Variants in EIF2S1 observed in about 807,000 individuals in gnomAD.
EIF2S1 encodes eukaryotic translation initiation factor 2 subunit alpha, also known as eukaryotic translation initiation factor 2 subunit 1.
Under a neutral mutation model 33.5 loss-of-function variants are expected in EIF2S1, and 5 were observed. The observed-to-expected ratio is 0.15, with a 90% CI of 0.08 to 0.31. The LOEUF (loss-of-function observed/expected upper bound fraction) is 0.31. EIF2S1 is among the 10% of genes least tolerant of loss of function. EIF2S1 has a pLI of 1.00. For synonymous variants in EIF2S1, 99 were observed against 127.5 expected, an observed-to-expected ratio of 0.78 and a Z score of 1.51; for missense variants, 191 against 384.6, an observed-to-expected ratio of 0.50 and a Z score of 4.21.
intron 3 of EIF2S1, 142 bp downstream of exon 3, chr14:67,374,689 C>A: frequency 4.0e-6 from 2 of 500,806 alleles, no homozygotes; most frequent in Admixed American, 4.0e-5. Flanking sequence ...GTTTTGAAGC[C>A]GTTTTAGGTT....
intron 6 of EIF2S1, 136 bp from the exon 7 acceptor site, chr14:67,382,311 A>T: frequency 1.5e-6 from 1 of 685,116 alleles, no homozygotes; most frequent in Non-Finnish European, 2.3e-6. Flanking sequence ...AGGACCCTAA[A>T]TTACTGTCCT....
At chr14:67,369,989 T>TA (rs879692965) in intron 2 of EIF2S1, among the ~76,000 whole-genome samples, 7 of 152,242 alleles carry the variant, frequency 4.6e-5, no homozygotes, top group Non-Finnish European at 8.8e-5. Flanking sequence ...TTTACCCACA[T>TA]ATTTATTAAC....
intron 7 of EIF2S1, 69 bp downstream of exon 7, chr14:67,382,659 A>G: frequency 1.3e-6 from 2 of 1,562,982 alleles, no homozygotes; most frequent in Non-Finnish European, 1.8e-6. Flanking sequence ...GTAGGTAAAT[A>G]AGAGCTGTCG....
At position 67,382,456 on chromosome 14, in the gene EIF2S1, A is replaced by G; in HGVS notation, c.688A>G (p.Ile230Val). 1 of 1,612,816 alleles carries G rather than the reference A, an allele frequency of 6.2e-7. No individual in the cohort carries two copies. The highest frequency in any genetic ancestry group is 8.5e-7 in the Non-Finnish European group (1 of 1,179,398). The change falls in exon 7 of 8, where the codon ATA (isoleucine) becomes GTA (valine). Residue 230 changes from isoleucine to valine, a missense_variant. Physicochemically the swap from Ile to Val is conservative, Grantham distance 29. Coordinates refer to ENST00000256383, the MANE Select transcript of EIF2S1 (RefSeq NM_004094.5). ...TENMPIKINL[I>V]APPRYVMTTT... Reference sequence around the variant, plus strand: ...TGTCTTTCTCTTTTAGATTAATCTAATAGCTCCTCCTCGGTATGTAATGAC... The same window carrying G: ...TGTCTTTCTCTTTTAGATTAATCTAGTAGCTCCTCCTCGGTATGTAATGAC...
intron 3 of EIF2S1, among the ~76,000 whole-genome samples, chr14:67,375,232 CTGTGTG>C (rs3067321): frequency 0.21 from 28,174 of 137,432 alleles, 2,860 homozygotes; most frequent in Non-Finnish European, 0.22. Context: ...ATCCTCAGTT[CTGTGTG>C]TGTGTGTGTG....
intron 7 of EIF2S1, 120 bp downstream of exon 7, chr14:67,382,710 T>G: frequency 8.9e-7 from 1 of 1,129,268 alleles, no homozygotes; most frequent in Non-Finnish European, 1.3e-6. Context: ...TTCAGGCCTT[T>G]GATCACTAAT....
chr14:67,382,283 C>T (rs926257791), intron 6 of EIF2S1, 164 bp from the exon 7 acceptor site: 24 of 500,130 alleles, frequency 4.8e-5, no homozygotes, highest in African/African-American at 3.6e-4. Flanking sequence ...CACCCCAAAA[C>T]GTAATTGCCA....
Position 67,385,046 on chromosome 14 carries a change from C to T in EIF2S1, c.*1606C>T, listed in dbSNP as rs17104285. The T allele has an allele frequency of 7.9e-5, 12 of 152,098 alleles. No homozygotes were observed. 9.4% of individuals were successfully genotyped at this position (152,098 alleles called of 1,614,324 possible). A position where few individuals can be genotyped will look rare whatever the true frequency, so the allele number is the denominator to read the frequency against. On this transcript the variant is annotated 3_prime_UTR_variant, in exon 8 of 8. Transcript: ENST00000256383. Reference sequence around the variant, plus strand: ...ATAACTTGAAAAATACTGGTGGCGTCGATGGTGAGTGATTTTTATCCCACG... The same window carrying T: ...ATAACTTGAAAAATACTGGTGGCGTTGATGGTGAGTGATTTTTATCCCACG...
At chr14:67,375,820 G>A (rs980841550) in intron 3 of EIF2S1, among the ~76,000 whole-genome samples, 1 of 152,124 alleles carries the variant, frequency 6.6e-6, no homozygotes, top group Non-Finnish European at 1.5e-5. Flanking sequence ...CTTTTGAGAA[G>A]CACTTTTCTG....
chr14:67,380,604 CA>C (rs2085882985), intron 4 of EIF2S1, 54 bp from the exon 5 acceptor site: 1 of 989,070 alleles, frequency 1.0e-6, no homozygotes, highest in Non-Finnish European at 1.5e-6. Flanking sequence ...TTTGGTTTCA[CA>C]TTTATCAGTA....
At position 67,364,827 on chromosome 14, in the gene EIF2S1, G is replaced by A; in HGVS notation, c.60G>A (p.Val20=). The A allele has an allele frequency of 1.2e-6, 2 of 1,614,010 alleles. No individual in the cohort carries two copies. The highest frequency in any genetic ancestry group is 2.2e-5 in the South Asian group (2 of 91,074). Residue 20 remains valine, a synonymous_variant, in exon 2 of 8, where the codon GTG becomes GTA. Transcript: ENST00000256383. ...AATTTCCTGAGGTGGAAGATGTAGT[G>A]ATGGTGAATGTCAGATCCATTGCTG... is the stretch of plus-strand genomic sequence containing the variant. ...QHKFPEVEDV[V]MVNVRSIAEM... is the part of the protein sequence containing the mutation.
At chr14:67,372,376 G>A (rs1595646787) in intron 2 of EIF2S1, among the ~76,000 whole-genome samples, 1 of 152,190 alleles carries the variant, frequency 6.6e-6, no homozygotes, top group East Asian at 1.9e-4. Flanking sequence ...CTTGGATTAG[G>A]CAAAGATTTC....
At chr14:67,364,501 C>A in intron 1 of EIF2S1, 1 of 347,552 alleles carries the variant, frequency 2.9e-6, no homozygotes, top group Non-Finnish European at 5.3e-6. Flanking sequence ...TATAGATGGT[C>A]ATTATTTTTT....
chr14:67,383,216 A>G, intron 7 of EIF2S1, 99 bp from the exon 8 acceptor site: 1 of 1,323,644 alleles, frequency 7.6e-7, no homozygotes, highest in African/African-American at 1.5e-5. Context: ...GTTGTTAGAA[A>G]AGTGTTAAAG....
At chr14:67,365,839 T>C (rs2085773294) in intron 2 of EIF2S1, among the ~76,000 whole-genome samples, 1 of 152,228 alleles carries the variant, frequency 6.6e-6, no homozygotes, top group African/African-American at 2.4e-5. Context: ...AAGTGATTAA[T>C]TTTATACATA....
rs1451133800 is a variant in EIF2S1 at position 67,382,804 on chromosome 14, C to T, written c.822+214C>T. On this transcript the variant is annotated intron_variant, in intron 7 of 7. Coordinates refer to ENST00000256383, the MANE Select transcript of EIF2S1 (RefSeq NM_004094.5). ...GAAGTTTTTTTATGGTTTGAATTTG[C>T]ATGTGGCATGTCTAAAATTTGATCT... 2.9e-5 allele frequency: 16 copies of T among 544,940 alleles called. No individual in the cohort carries two copies. The South Asian group carries it at 3.6e-4, about 12-fold the overall frequency. 33.8% of individuals were successfully genotyped at this position (544,940 alleles called of 1,614,324 possible).
At chr14:67,372,126 TA>T (rs34922343) in intron 2 of EIF2S1, among the ~76,000 whole-genome samples, 25 of 150,630 alleles carry the variant, frequency 1.7e-4, no homozygotes, top group Admixed American at 2.0e-4. Context: ...TCTTTTTATT[TA>T]AAAAAAAAAT....
intron 2 of EIF2S1, among the ~76,000 whole-genome samples, chr14:67,373,248 G>A (rs1396517643): frequency 6.6e-6 from 1 of 152,176 alleles, no homozygotes; most frequent in Non-Finnish European, 1.5e-5. Context: ...CTTGATTTTG[G>A]TGGTGGTTAA....
At chr14:67,365,089 C>T in intron 2 of EIF2S1, 81 bp downstream of exon 2, 1 of 1,395,970 alleles carries the variant, frequency 7.2e-7, no homozygotes, top group Non-Finnish European at 9.5e-7. Context: ...AAATTGCAAG[C>T]TGCAGCTTAA....
Sources: gnomAD v4.1 joint callset for allele counts (sites outside exome capture counted in the v4.1 genomes callset) on GRCh38, gnomAD v4.1.1 for gene constraint, MANE v1.5 for transcripts, NCBI Gene and HGNC (gene_info 2026-07-23, HGNC 2026-07-21) for gene names.